The following CDH13 variants were observed in gnomAD, a reference collection of about 807,000 sequenced individuals.
CDH13 encodes cadherin-13.
Under a neutral mutation model 63.8 loss-of-function variants are expected in CDH13, and 24 were observed. The ratio of observed to expected loss-of-function variants is 0.38; its 90% confidence interval spans 0.27 to 0.53. The LOEUF (loss-of-function observed/expected upper bound fraction) is 0.53. Among genes scored for constraint, CDH13 ranks in the 20% least tolerant of loss-of-function variants. The pLI is 0.85. For missense variants in CDH13, 1,049 were observed against 903.1 expected, an observed-to-expected ratio of 1.16 and a Z score of -2.07; for synonymous variants, 503 against 355.3, an observed-to-expected ratio of 1.42 and a Z score of -4.67.
intron 2 of CDH13, among the ~76,000 whole-genome samples, chr16:83,000,067 G>C (rs1912696875): frequency 1.3e-5 from 2 of 152,002 alleles, no homozygotes; most frequent in Non-Finnish European, 2.9e-5. Flanking sequence ...AATGTCAATA[G>C]TGCTGTGGCT....
intron 5 of CDH13, among the ~76,000 whole-genome samples, chr16:83,273,846 T>C (rs1376043696): frequency 6.6e-6 from 1 of 152,134 alleles, no homozygotes; most frequent in Non-Finnish European, 1.5e-5. Flanking sequence ...AAATTGAGGC[T>C]CAGAGGGGTG....
At chr16:83,323,980 A>G (rs1042575991) in intron 5 of CDH13, among the ~76,000 whole-genome samples, 7 of 151,760 alleles carry the variant, frequency 4.6e-5, no homozygotes, top group African/African-American at 1.7e-4. Flanking sequence ...TGTACAATTC[A>G]TTGGTTTTTA....
chr16:82,775,473 G>T (rs2035452066), intron 1 of CDH13, among the ~76,000 whole-genome samples: 1 of 152,162 alleles, frequency 6.6e-6, no homozygotes, highest in Non-Finnish European at 1.5e-5. Flanking sequence ...TGCATCAAGG[G>T]TTAAATCGCT....
At chr16:83,347,722 C>G (rs1202979418) in intron 6 of CDH13, among the ~76,000 whole-genome samples, 2 of 152,318 alleles carry the variant, frequency 1.3e-5, no homozygotes, top group East Asian at 3.9e-4. Flanking sequence ...GTGTCTACGT[C>G]TCCAGCTTCA....
intron 7 of CDH13, among the ~76,000 whole-genome samples, chr16:83,555,134 C>T (rs2075578164): frequency 6.6e-6 from 1 of 152,118 alleles, no homozygotes; most frequent in Non-Finnish European, 1.5e-5. Context: ...GGTACTTCAT[C>T]AACCAGACAG....
chr16:83,178,139 G>T (rs1376539177), intron 4 of CDH13, among the ~76,000 whole-genome samples: 1 of 152,078 alleles, frequency 6.6e-6, no homozygotes, highest in Admixed American at 6.5e-5. Flanking sequence ...GTTTTATAAA[G>T]TGAAAAAGGT....
intron 6 of CDH13, among the ~76,000 whole-genome samples, chr16:83,382,694 A>G (rs2091592191): frequency 6.6e-6 from 1 of 152,114 alleles, no homozygotes; most frequent in African/African-American, 2.4e-5. Flanking sequence ...TCCCTTCTTA[A>G]AAATACCTTC....
At chr16:82,915,623 G>T (rs1439653035) in intron 2 of CDH13, among the ~76,000 whole-genome samples, 1 of 151,878 alleles carries the variant, frequency 6.6e-6, no homozygotes, top group Non-Finnish European at 1.5e-5. Context: ...CTCCCAAACT[G>T]GATGGCATGT....
At chr16:82,997,342 T>C (rs567232820) in intron 2 of CDH13, among the ~76,000 whole-genome samples, 86 of 152,330 alleles carry the variant, frequency 5.6e-4, no homozygotes, top group African/African-American at 1.9e-3. Context: ...TTTTCACTAA[T>C]TGTTGGCTTC....
At chr16:83,493,005 TTTG>T (rs10635735) in intron 7 of CDH13, among the ~76,000 whole-genome samples, 5 of 152,202 alleles carry the variant, frequency 3.3e-5, no homozygotes, top group South Asian at 2.1e-4. Flanking sequence ...ACCTGTGTTT[TTTG>T]TTGTTGTTGT....
chr16:82,944,043 GTATT>G (rs1330462408), intron 2 of CDH13, among the ~76,000 whole-genome samples: 1 of 152,142 alleles, frequency 6.6e-6, no homozygotes. Flanking sequence ...TTGAGATTAA[GTATT>G]TAATGTCTCT....
chr16:83,139,770 G>A (rs59013505), intron 4 of CDH13, among the ~76,000 whole-genome samples: 2,207 of 152,208 alleles, frequency 0.014, 52 homozygotes, highest in African/African-American at 0.05. Flanking sequence ...TTGGGAGGCC[G>A]ACCGGGTGGA....
intron 2 of CDH13, among the ~76,000 whole-genome samples, chr16:82,916,733 G>A (rs1597208720): frequency 6.6e-6 from 1 of 152,192 alleles, no homozygotes; most frequent in African/African-American, 2.4e-5. Context: ...ATATTTTTAT[G>A]TTTGTTAAAA....
intron 1 of CDH13, among the ~76,000 whole-genome samples, chr16:82,776,856 C>T (rs2035523336): frequency 6.6e-6 from 1 of 152,192 alleles, no homozygotes; most frequent in Non-Finnish European, 1.5e-5. Context: ...GCATTTTGCA[C>T]AGAACCAAAG....
At chr16:83,435,061 C>T (rs1052641840) in intron 6 of CDH13, among the ~76,000 whole-genome samples, 2 of 141,320 alleles carry the variant, frequency 1.4e-5, no homozygotes, top group Admixed American at 7.1e-5. Context: ...AGAGAGATAT[C>T]GAGAGAGTTT....
chr16:82,926,060 C>T (rs2042295080), intron 2 of CDH13: 1 of 152,108 alleles, frequency 6.6e-6, no homozygotes, highest in Admixed American at 6.6e-5. Flanking sequence ...ATAAAAAAGA[C>T]ATTTTAATTA....
Position 83,507,905 on chromosome 16 carries a change from G to A in CDH13, c.960+21250G>A, listed in dbSNP as rs957914095. Among the ~76,000 whole-genome samples, 6 of 151,354 alleles carry A rather than the reference G, an allele frequency of 4.0e-5. No individual in the cohort carries two copies. In the East Asian group the frequency reaches 5.9e-4, roughly 15 times the overall value. ...AAATTAGCAGTCCGTGGTGGCGGGC[G>A]CCTGTAATTCCAGCTACTCAGGAGG... On this transcript the variant is annotated intron_variant, in intron 7 of 13. Transcript: ENST00000567109.
chr16:83,111,342 A>G (rs910711559), intron 3 of CDH13, among the ~76,000 whole-genome samples: 1 of 152,168 alleles, frequency 6.6e-6, no homozygotes, highest in African/African-American at 2.4e-5. Flanking sequence ...TAGAGAGAAA[A>G]TAAGTGATTA....
chr16:82,843,359 G>A (rs1221774582), intron 1 of CDH13, among the ~76,000 whole-genome samples: 6 of 152,126 alleles, frequency 3.9e-5, no homozygotes, highest in Admixed American at 1.3e-4. Context: ...TTTTAATTCA[G>A]GATGGTCAAA....
Sources: gnomAD v4.1 joint callset for allele counts (sites outside exome capture counted in the v4.1 genomes callset) on GRCh38, gnomAD v4.1.1 for gene constraint, MANE v1.5 for transcripts, NCBI Gene and HGNC (gene_info 2026-07-23, HGNC 2026-07-21) for gene names.